Variants in TACR1 observed in about 807,000 individuals in gnomAD.
The protein encoded by TACR1 is tachykinin receptor 1.
A neutral mutation model predicts 35.8 loss-of-function variants in TACR1; 25 were observed. That is an observed-to-expected ratio of 0.70 (90% CI 0.51 to 0.98). The LOEUF (loss-of-function observed/expected upper bound fraction) is 0.98, where lower values mean the gene tolerates loss of function less well. Ranked by LOEUF, TACR1 falls within the 50% of genes least tolerant of loss-of-function variation. The pLI, the probability that TACR1 is intolerant of heterozygous loss-of-function variation, is 0.00. For synonymous variants in TACR1, 195 were observed against 206.7 expected, an observed-to-expected ratio of 0.94 and a Z score of 0.48; for missense variants, 478 against 522.9, an observed-to-expected ratio of 0.91 and a Z score of 0.84.
At chr2:75,103,512 C>A (rs1673582003) in intron 2 of TACR1, among the ~76,000 whole-genome samples, 1 of 151,838 alleles carries the variant, frequency 6.6e-6, no homozygotes, top group Non-Finnish European at 1.5e-5. Flanking sequence ...AGAAATTATA[C>A]CCTGAGACCA....
At chr2:75,150,467 A>T (rs1323143307) in intron 1 of TACR1, among the ~76,000 whole-genome samples, 1 of 152,084 alleles carries the variant, frequency 6.6e-6, no homozygotes, top group Non-Finnish European at 1.5e-5. Context: ...GTCTCATGAG[A>T]TCTGATGAGT....
chr2:75,096,057 G>T (rs950892388), intron 2 of TACR1, among the ~76,000 whole-genome samples: 1 of 152,188 alleles, frequency 6.6e-6, no homozygotes, highest in Admixed American at 6.5e-5. Flanking sequence ...TGGAGGCAGT[G>T]AGGGGCAACT....
intron 2 of TACR1, among the ~76,000 whole-genome samples, chr2:75,065,441 T>C (rs1238831801): frequency 6.6e-6 from 1 of 152,236 alleles, no homozygotes; most frequent in Non-Finnish European, 1.5e-5. Flanking sequence ...TTTGCTGATA[T>C]AATCCACCCA....
chr2:75,088,789 T>G (rs1673237658), intron 2 of TACR1, among the ~76,000 whole-genome samples: 1 of 152,088 alleles, frequency 6.6e-6, no homozygotes, highest in Admixed American at 6.5e-5. Flanking sequence ...GAATCTTGAA[T>G]CATTCTTCCC....
At chr2:75,160,154 G>T (rs1674969360) in intron 1 of TACR1, among the ~76,000 whole-genome samples, 1 of 151,926 alleles carries the variant, frequency 6.6e-6, no homozygotes, top group Admixed American at 6.6e-5. Context: ...GATAGCCAGG[G>T]GAACAAAATT....
intron 3 of TACR1, among the ~76,000 whole-genome samples, chr2:75,053,003 C>T (rs2103782558): frequency 6.6e-6 from 1 of 152,292 alleles, no homozygotes; most frequent in South Asian, 2.1e-4. Context: ...ACTGACCATT[C>T]ATCAAACTAC....
rs565750271 is a variant in TACR1 at position 75,128,395 on chromosome 2, G to A, written c.390-7627C>T. Among the ~76,000 whole-genome samples the A allele has an allele frequency of 3.9e-5, 6 of 152,308 alleles. No homozygotes were observed. In the East Asian group the frequency reaches 1.2e-3, roughly 29 times the overall value. On this transcript the variant is annotated intron_variant, in intron 1 of 4. Coordinates refer to ENST00000305249, the MANE Select transcript of TACR1 (RefSeq NM_001058.4). ...GGTTAAGCCCTTTGATTTTTGCAGA[G>A]CCAGGGCTACCATAAAAATACGTAT...
Position 75,053,659 on chromosome 2 carries a change from C to T in TACR1, c.681G>A (p.Glu227=), listed in dbSNP as rs1418636191. ...AGCGGTCAGAGGAGTCCCCGGGGAT[C>T]TCACTGGCCCATAGTGTGATTCCCA... ...TVVGITLWAS[E]IPGDSSDRYH... The change falls in exon 3 of 5, where the codon GAG becomes GAA. Residue 227 remains glutamate, a synonymous_variant. Transcript: ENST00000305249. The T allele has an allele frequency of 6.2e-7, 1 of 1,604,304 alleles. No individual in the cohort carries two copies. Among genetic ancestry groups the T allele is most frequent in the Non-Finnish European group, 8.5e-7 (1 of 1,175,022 alleles).
intron 2 of TACR1, among the ~76,000 whole-genome samples, chr2:75,119,531 T>C (rs1673923349): frequency 6.6e-6 from 1 of 152,244 alleles, no homozygotes; most frequent in South Asian, 2.1e-4. Flanking sequence ...AACTGTAATA[T>C]AAATGTCACA....
chr2:75,136,553 A>G (rs754472213), intron 1 of TACR1, among the ~76,000 whole-genome samples: 2 of 152,056 alleles, frequency 1.3e-5, no homozygotes, highest in African/African-American at 2.4e-5. Context: ...ATGAAGGTGG[A>G]ACTGGGCTGC....
At chr2:75,068,092 G>A (rs1256884074) in intron 2 of TACR1, among the ~76,000 whole-genome samples, 1 of 152,192 alleles carries the variant, frequency 6.6e-6, no homozygotes, top group Non-Finnish European at 1.5e-5. Flanking sequence ...AGATATCTAT[G>A]TCTATGTCTC....
At position 75,048,091 on chromosome 2, in the gene TACR1, T is replaced by A. The variant is rs1236490202; in HGVS notation, c.*1341A>T. The A allele has an allele frequency of 2.0e-5, 3 of 152,152 alleles. No individual in the cohort carries two copies. The highest frequency in any genetic ancestry group is 2.9e-5 in the Non-Finnish European group (2 of 68,032). 9.4% of individuals were successfully genotyped at this position (152,152 alleles called of 1,614,324 possible). On this transcript the variant is annotated 3_prime_UTR_variant, in exon 5 of 5. Coordinates refer to ENST00000305249, the MANE Select transcript of TACR1 (RefSeq NM_001058.4). ...CTGACTGTCCTTTAGGGTTGATGAG[T>A]CATTCTACCCCTTAGAGACAGGAAG...
At chr2:75,168,514 A>G (rs902807776) in intron 1 of TACR1, among the ~76,000 whole-genome samples, 1 of 152,208 alleles carries the variant, frequency 6.6e-6, no homozygotes, top group Non-Finnish European at 1.5e-5. Flanking sequence ...CAGTGAGCCA[A>G]GGAATGCCTT....
intron 1 of TACR1, among the ~76,000 whole-genome samples, chr2:75,135,220 T>C (rs1323511288): frequency 6.6e-6 from 1 of 152,224 alleles, no homozygotes; most frequent in Admixed American, 6.5e-5. Context: ...CTCTTACTTA[T>C]TGCTTTTTCA....
chr2:75,131,535 A>C (rs948422019), intron 1 of TACR1, among the ~76,000 whole-genome samples: 4 of 152,242 alleles, frequency 2.6e-5, no homozygotes, highest in African/African-American at 9.6e-5. Flanking sequence ...ATATGAATAC[A>C]TTATGATAAA....
At chr2:75,142,595 T>A (rs1286409931) in intron 1 of TACR1, among the ~76,000 whole-genome samples, 1 of 152,008 alleles carries the variant, frequency 6.6e-6, no homozygotes, top group Non-Finnish European at 1.5e-5. Context: ...CTGTGCAAGG[T>A]GCTGGAGACA....
rs6747733 is a variant in TACR1 at position 75,198,945 on chromosome 2, G to A, written c.-11C>T. On this transcript the variant is annotated 5_prime_UTR_variant, in exon 1 of 5. Transcript: ENST00000305249. ...GAGGACGTTATCCATTTCGAAGCTA[G>A]GCGGTAAAGCCCTACTATCTGTACA... 8.3e-4 allele frequency: 1,335 copies of A among 1,611,672 alleles called. 10 individuals are homozygous for A. The African/African-American group carries it at 0.016, about 20-fold the overall frequency.
chr2:75,067,411 T>C (rs1672785155), intron 2 of TACR1, among the ~76,000 whole-genome samples: 1 of 152,154 alleles, frequency 6.6e-6, no homozygotes, highest in African/African-American at 2.4e-5. Flanking sequence ...CTAGGCCCCA[T>C]GGGTTCAGCT....
chr2:75,180,319 T>C (rs1358597784), intron 1 of TACR1, among the ~76,000 whole-genome samples: 1 of 152,210 alleles, frequency 6.6e-6, no homozygotes, highest in Non-Finnish European at 1.5e-5. Flanking sequence ...TCTAGAACAA[T>C]ACTGGCATAT....
Sources: allele counts gnomAD v4.1 joint callset (sites outside exome capture counted in the v4.1 genomes callset), GRCh38; gene constraint gnomAD v4.1.1; transcripts MANE v1.5; gene names NCBI Gene and HGNC (gene_info 2026-07-23, HGNC 2026-07-21).